The following BBS9 variants were observed in gnomAD, a reference collection of about 807,000 sequenced individuals.
BBS9 encodes protein PTHB1.
A neutral mutation model predicts 117.7 loss-of-function variants in BBS9; 89 were observed. The ratio of observed to expected loss-of-function variants is 0.76; its 90% CI spans 0.64 to 0.90. The LOEUF (loss-of-function observed/expected upper bound fraction) is 0.90. Ranked by LOEUF, BBS9 falls within the 40% of genes least tolerant of loss-of-function variation. BBS9 has a pLI of 0.00. For missense variants in BBS9, 982 were observed against 1,042.2 expected, an observed-to-expected ratio of 0.94 and a Z score of 0.80; for synonymous variants, 379 against 370.9, an observed-to-expected ratio of 1.02 and a Z score of -0.25.
intron 9 of BBS9, among the ~76,000 whole-genome samples, chr7:33,300,904 A>G (rs10279081): frequency 0.86 from 131,482 of 152,168 alleles, 57,173 homozygotes; most frequent in African/African-American, 0.97. Flanking sequence ...ATTTAAAAAA[A>G]TCTGTTTATT....
chr7:33,483,564 T>G (rs1175600011), intron 19 of BBS9, among the ~76,000 whole-genome samples: 1 of 152,178 alleles, frequency 6.6e-6, no homozygotes, highest in Non-Finnish European at 1.5e-5. Flanking sequence ...ATTTTGATGT[T>G]TACCACTGAA....
intron 19 of BBS9, among the ~76,000 whole-genome samples, chr7:33,394,285 C>A (rs1162565404): frequency 1.3e-5 from 2 of 152,096 alleles, no homozygotes; most frequent in African/African-American, 4.8e-5. Context: ...TTATCCCTAG[C>A]AAACTAACAC....
chr7:33,305,640 T>A (rs1409961304), intron 9 of BBS9, among the ~76,000 whole-genome samples: 3 of 152,136 alleles, frequency 2.0e-5, no homozygotes, highest in African/African-American at 7.2e-5. Flanking sequence ...TCTTGATAGG[T>A]TGTATGCGTC....
intron 17 of BBS9, among the ~76,000 whole-genome samples, chr7:33,371,690 T>C (rs1283487270): frequency 2.6e-5 from 4 of 152,022 alleles, no homozygotes; most frequent in East Asian, 1.9e-4. Context: ...GTAGATTTGT[T>C]AGTGGAGAGA....
At chr7:33,175,189 A>G (rs1001975648) in intron 4 of BBS9, among the ~76,000 whole-genome samples, 1 of 152,090 alleles carries the variant, frequency 6.6e-6, no homozygotes, top group African/African-American at 2.4e-5. Flanking sequence ...CTGTAATCCC[A>G]GCTACTCAGG....
At chr7:33,623,367 G>T (rs1451891340) in intron 21 of BBS9, among the ~76,000 whole-genome samples, 4 of 152,048 alleles carry the variant, frequency 2.6e-5, no homozygotes, top group Non-Finnish European at 5.9e-5. Flanking sequence ...AGGAGAAAAA[G>T]GAGAAGTCTA....
intron 4 of BBS9, 94 bp from the exon 5 acceptor site, chr7:33,177,384 C>G (rs1173282859): frequency 9.4e-6 from 8 of 855,540 alleles, no homozygotes; most frequent in Non-Finnish European, 1.2e-5. Flanking sequence ...TATAATTTCC[C>G]TAAAATTACT....
intron 21 of BBS9, among the ~76,000 whole-genome samples, chr7:33,604,145 G>A (rs1450819097): frequency 2.0e-5 from 3 of 152,182 alleles, no homozygotes; most frequent in Non-Finnish European, 4.4e-5. Flanking sequence ...GGAAATGATG[G>A]CAAATCAGTC....
chr7:33,589,801 C>A (rs10277926), intron 21 of BBS9, among the ~76,000 whole-genome samples: 9,881 of 152,022 alleles, frequency 0.065, 553 homozygotes, highest in African/African-American at 0.15. Flanking sequence ...GGAGAGAAAT[C>A]TGGGCTGAAG....
chr7:33,351,641 G>T (rs1219238209), intron 14 of BBS9, among the ~76,000 whole-genome samples: 1 of 152,126 alleles, frequency 6.6e-6, no homozygotes, highest in African/African-American at 2.4e-5. Context: ...ATTGATGCAG[G>T]ATTTTTGCTC....
intron 19 of BBS9, among the ~76,000 whole-genome samples, chr7:33,441,541 T>C (rs1836188773): frequency 6.6e-6 from 1 of 152,248 alleles, no homozygotes; most frequent in Non-Finnish European, 1.5e-5. Flanking sequence ...ACATAAATTA[T>C]GTCTATTTCT....
intron 19 of BBS9, among the ~76,000 whole-genome samples, chr7:33,439,829 T>C (rs1209292281): frequency 6.6e-6 from 1 of 152,166 alleles, no homozygotes; most frequent in Non-Finnish European, 1.5e-5. Context: ...GCCCGGCCTT[T>C]TATCAATTGT....
chr7:33,377,849 G>C (rs1331158067), intron 17 of BBS9, among the ~76,000 whole-genome samples: 1 of 152,118 alleles, frequency 6.6e-6, no homozygotes, highest in African/African-American at 2.4e-5. Context: ...TTAGGAATGT[G>C]AGGTGTAGAC....
intron 1 of BBS9, among the ~76,000 whole-genome samples, chr7:33,132,489 C>T (rs1789774456): frequency 6.6e-6 from 1 of 152,084 alleles, no homozygotes; most frequent in African/African-American, 2.4e-5. Flanking sequence ...AAAGACAAAT[C>T]AGTGAGCAAC....
At chr7:33,442,890 A>G (rs1306547762) in intron 19 of BBS9, among the ~76,000 whole-genome samples, 1 of 152,208 alleles carries the variant, frequency 6.6e-6, no homozygotes, top group Non-Finnish European at 1.5e-5. Context: ...ATATAGACAG[A>G]AAGAAAAAAA....
chr7:33,588,302 G>GT (rs1423901152), intron 21 of BBS9, among the ~76,000 whole-genome samples: 1 of 152,116 alleles, frequency 6.6e-6, no homozygotes, highest in Non-Finnish European at 1.5e-5. Context: ...TACTGGGGGA[G>GT]TAGAAAGAAG....
At chr7:33,466,894 A>G (rs12671213) in intron 19 of BBS9, among the ~76,000 whole-genome samples, 117,730 of 151,628 alleles carry the variant, frequency 0.78, 46,623 homozygotes, top group African/African-American at 0.94. Context: ...TCTTGGAGGG[A>G]GAGAGTGGTA....
chr7:33,504,011 G>C (rs773622346), intron 19 of BBS9, among the ~76,000 whole-genome samples: 7 of 152,076 alleles, frequency 4.6e-5, no homozygotes, highest in Non-Finnish European at 1.0e-4. Flanking sequence ...GCACAATTAG[G>C]ACATTATTAT....
intron 21 of BBS9, among the ~76,000 whole-genome samples, chr7:33,617,977 G>T (rs2129220211): frequency 6.6e-6 from 1 of 152,228 alleles, no homozygotes; most frequent in South Asian, 2.1e-4. Flanking sequence ...GGCAAACAAA[G>T]GCTGTGGGAG....
Sources: allele counts gnomAD v4.1 joint callset (sites outside exome capture counted in the v4.1 genomes callset), GRCh38; gene constraint gnomAD v4.1.1; transcripts MANE v1.5; gene names NCBI Gene and HGNC (gene_info 2026-07-23, HGNC 2026-07-21).